ATM: variants seen among roughly 807,000 people sequenced by gnomAD.
ATM encodes the protein ATM serine/threonine kinase, also known as serine-protein kinase ATM.
Under a neutral mutation model 387.0 loss-of-function variants are expected in ATM, and 308 were observed. That is an observed-to-expected ratio of 0.80 (90% CI 0.73 to 0.87). The LOEUF is 0.87. Among genes scored for constraint, ATM ranks in the 40% least tolerant of loss-of-function variants. The pLI, the probability that ATM is intolerant of heterozygous loss-of-function variation, is 0.00. For missense variants in ATM, 3,312 were observed against 3,560.9 expected (o/e 0.93, Z 1.78); for synonymous variants, 1,156 against 1,187.3 (o/e 0.97, Z 0.54).
intron 13 of ATM, among the ~76,000 whole-genome samples, chr11:108,254,398 A>G (rs946013219): frequency 6.6e-6 from 1 of 152,240 alleles, no homozygotes; most frequent in Non-Finnish European, 1.5e-5. Flanking sequence ...AAACAAATCT[A>G]ATAGATTTTG....
intron 5 of ATM, 102 bp downstream of exon 5, chr11:108,235,936 G>T: frequency 7.5e-7 from 1 of 1,335,680 alleles, no homozygotes; most frequent in Non-Finnish European, 1.1e-6. Context: ...CAAGTGACCT[G>T]ACAGTTTAAC....
intron 4 of ATM, chr11:108,230,037 G>A (rs905868805): frequency 3.9e-5 from 6 of 152,092 alleles, no homozygotes; most frequent in South Asian, 2.1e-4. Context: ...CCCTCTCTAC[G>A]TCCCTAGCCT....
intron 38 of ATM, among the ~76,000 whole-genome samples, chr11:108,309,368 G>A (rs1479436886): frequency 1.3e-5 from 2 of 152,152 alleles, no homozygotes; most frequent in African/African-American, 4.8e-5. Context: ...CTGTGTAGTA[G>A]GGTGTGCCTT....
chr11:108,332,949 CTG>C (rs1459408933), intron 53 of ATM, 49 bp downstream of exon 53: 12 of 1,581,246 alleles, frequency 7.6e-6, no homozygotes, highest in Non-Finnish European at 1.0e-5. Flanking sequence ...GTGTTACTCT[CTG>C]TAGAGATATA....
chr11:108,243,497 C>T (rs1049706770), intron 5 of ATM, among the ~76,000 whole-genome samples: 12 of 152,224 alleles, frequency 7.9e-5, no homozygotes, highest in African/African-American at 2.9e-4. Context: ...CCTGTGGTCC[C>T]AGCTACTTGG....
At chr11:108,261,285 C>A (rs1477422885) in intron 16 of ATM, among the ~76,000 whole-genome samples, 1 of 152,210 alleles carries the variant, frequency 6.6e-6, no homozygotes, top group African/African-American at 2.4e-5. Flanking sequence ...AGCTGGAGAT[C>A]TGAGAACGGG....
chr11:108,266,641 A>T (rs1010701207), intron 16 of ATM, among the ~76,000 whole-genome samples: 2 of 152,164 alleles, frequency 1.3e-5, no homozygotes, highest in Non-Finnish European at 1.5e-5. Flanking sequence ...GTAATAAAAA[A>T]AATAATAATT....
rs1222514012 is a variant in ATM, at chr11:108,368,730, C to T, written c.*3222C>T. 1.9e-5 allele frequency: 4 copies of T among 214,086 alleles called. No homozygotes were observed. The highest frequency in any genetic ancestry group is 9.0e-5 in the African/African-American group (4 of 44,316). The allele number at this position is 214,086 out of a possible 1,614,324, so 13.3% of individuals were successfully genotyped here. A position where few individuals can be genotyped will look rare whatever the true frequency, so the allele number is the denominator to read the frequency against. Reference sequence around the variant, plus strand: ...GTGTCCAGATTAAGGGAGATAATAGCTTTCCCACCCTACTTTGTGCAGGTC... The same window carrying T: ...GTGTCCAGATTAAGGGAGATAATAGTTTTCCCACCCTACTTTGTGCAGGTC... On this transcript the variant is annotated 3_prime_UTR_variant, in exon 63 of 63. Coordinates refer to ENST00000675843, the MANE Select transcript of ATM (RefSeq NM_000051.4).
chr11:108,322,328 A>G (rs1016789538), intron 45 of ATM, among the ~76,000 whole-genome samples: 1 of 151,742 alleles, frequency 6.6e-6, no homozygotes, highest in African/African-American at 2.4e-5. Context: ...TAATTTTTCT[A>G]CTTTTAATAG....
intron 29 of ATM, among the ~76,000 whole-genome samples, chr11:108,291,005 G>T (rs1257744941): frequency 6.6e-6 from 1 of 152,050 alleles, no homozygotes; most frequent in East Asian, 1.9e-4. Context: ...GGAGGCTGAG[G>T]CGGGTGGATC....
In ATM at chr11:108,257,556, T is replaced by C. The variant is rs762937809; in HGVS notation, c.2326T>C (p.Leu776=). 6.2e-7 allele frequency: 1 copy of C among 1,614,100 alleles called. No individual in the cohort carries two copies. The highest frequency in any genetic ancestry group is 8.5e-7 in the Non-Finnish European group (1 of 1,180,030). The stretch of plus-strand genomic sequence containing the variant: ...AAATGAGGAATTCAGAATTGGTTCC[T>C]TGAGAAATATGATGCAGCTATGTAC... ...KTNEEFRIGS[L]RNMMQLCTRC... is the part of the protein sequence containing the mutation. The change falls in exon 15 of 63, where the codon TTG becomes CTG. Residue 776 remains leucine (L), a synonymous_variant. Coordinates refer to ENST00000675843, the MANE Select transcript of ATM (RefSeq NM_000051.4).
At chr11:108,248,008 A>G (rs1318219876) in intron 8 of ATM, among the ~76,000 whole-genome samples, 2 of 152,070 alleles carry the variant, frequency 1.3e-5, no homozygotes, top group Non-Finnish European at 2.9e-5. Flanking sequence ...GTTTTTGTGG[A>G]TTTTCCTGTT....
At chr11:108,233,912 A>C (rs577310595) in intron 4 of ATM, among the ~76,000 whole-genome samples, 1 of 152,320 alleles carries the variant, frequency 6.6e-6, no homozygotes, top group East Asian at 1.9e-4. Flanking sequence ...TATTTGGTAG[A>C]GGAGGGAGAT....
chr11:108,251,041 T>G lies in ATM; in HGVS notation c.1576T>G (p.Leu526Val). The G allele has an allele frequency of 6.2e-7, 1 of 1,614,160 alleles. No individual in the cohort carries two copies. Among genetic ancestry groups the G allele is most frequent in the South Asian group, 1.1e-5 (1 of 91,090 alleles). Residue 526 changes from leucine to valine, a missense_variant, in exon 10 of 63, where the codon TTA (leucine) becomes GTA (valine). By Grantham distance (32) the Leu-to-Val change is conservative. Around this residue, in one of 4 missense-constraint regions of ATM, gnomAD observed 1,791 missense variants for 1,804.5 expected, o/e 0.99. Coordinates refer to ENST00000675843, the MANE Select transcript of ATM (RefSeq NM_000051.4). ...LVEVDREFWK[L>V]FTGSACRPSC... ...TGAGGTTGACAGAGAATTCTGGAAG[T>G]TATTTACTGGGTCAGCCTGCAGACC...
chr11:108,331,467 A>G lies in ATM; in HGVS notation c.7539A>G (p.Thr2513=), dbSNP rs752294923. The change falls in exon 51 of 63, where the codon ACA becomes ACG. Residue 2513 remains threonine (T), a synonymous_variant. Coordinates refer to ENST00000675843, the MANE Select transcript of ATM (RefSeq NM_000051.4). ...MMKRDGMKIP[T]YKFLPLMYQL... is the part of the protein sequence containing the mutation. The stretch of plus-strand genomic sequence containing the variant: ...AGAGAGACGGAATGAAGATTCCAAC[A>G]TATAAATTTTTGCCTCTTATGTACC... 3 of 1,613,514 alleles carry G rather than the reference A, an allele frequency of 1.9e-6. No homozygotes were observed. Among genetic ancestry groups the G allele is most frequent in the Non-Finnish European group, 2.5e-6 (3 of 1,179,738 alleles).
At position 108,268,618 on chromosome 11, in the gene ATM, C is replaced by G. The variant is rs370160823; in HGVS notation, c.2838+9C>G. The G allele has an allele frequency of 5.1e-5, 83 of 1,612,672 alleles. No homozygotes were observed. Among genetic ancestry groups the G allele is most frequent in the Non-Finnish European group, 7.0e-5 (83 of 1,179,214 alleles). On this transcript the variant is annotated intron_variant, in intron 18 of 62. Coordinates refer to ENST00000675843, the MANE Select transcript of ATM (RefSeq NM_000051.4). The stretch of plus-strand genomic sequence containing the variant: ...CCCTCCACCTGCATATGGTGAGTTA[C>G]GTTAAATGAAGAAGCTCTTGGATTT...
Position 108,307,956 on chromosome 11 carries a change from G to A in ATM, c.5734G>A (p.Val1912Ile), listed in dbSNP as rs1064794105. The change falls in exon 38 of 63, where the codon GTT becomes ATT. Residue 1912 changes from valine (V) to isoleucine (I), a missense_variant. Val to Ile is a conservative substitution (Grantham distance 29, BLOSUM62 3). This residue lies in a region of ATM where 1,405 missense variants were observed against 1,604.4 expected (regional missense o/e 0.88). Coordinates refer to ENST00000675843, the MANE Select transcript of ATM (RefSeq NM_000051.4). ...AAAATCACAAAGAACAATGCTTGCT[G>A]TTGTGGACTACATGAGAAGACAAAA... ...DKKSQRTMLA[V>I]VDYMRRQKRP... The A allele has an allele frequency of 3.1e-6, 5 of 1,613,756 alleles. No homozygotes were observed. Among genetic ancestry groups the A allele is most frequent in the Middle Eastern group, 1.7e-4 (1 of 6,058 alleles).
rs1009383081 is a variant in ATM at position 108,279,536 on chromosome 11, A to C, written c.3330A>C (p.Ala1110=). 2 of 1,613,820 alleles carry C rather than the reference A, an allele frequency of 1.2e-6. No individual in the cohort carries two copies. The highest frequency in any genetic ancestry group is 4.5e-5 in the East Asian group (2 of 44,824). Residue 1110 remains alanine, a synonymous_variant, in exon 23 of 63, where the codon GCA becomes GCC. Transcript: ENST00000675843. ...TKGDSSRLLK[A]LPLKLQQTAF... is the part of the protein sequence containing the mutation. ...GAGATTCTTCCAGGTTACTGAAAGC[A>C]CTTCCTTTGAAGCTTCAGCAAACAG... is the stretch of plus-strand genomic sequence containing the variant.
Position 108,358,171 on chromosome 11 carries a change from G to A in ATM, c.8850+3297G>A, listed in dbSNP as rs1215465217. ...ATGCAGAAGCCTCAGGAGCCGATGC[G>A]ATCAACTGGAAGAAAGGGTATCAGC... On this transcript the variant is annotated intron_variant, in intron 61 of 62. Coordinates refer to ENST00000675843, the MANE Select transcript of ATM (RefSeq NM_000051.4). 2.7e-4 allele frequency among the ~76,000 whole-genome samples: 41 copies of A among 151,748 alleles called. No individual in the cohort carries two copies. The East Asian group carries it at 2.7e-3, about 10-fold the overall frequency.
Sources: gnomAD v4.1 joint callset for allele counts (sites outside exome capture counted in the v4.1 genomes callset) on GRCh38, gnomAD v4.1.1 for gene constraint, gnomAD v4.1.1 regional missense constraint, MANE v1.5 for transcripts, NCBI Gene and HGNC (gene_info 2026-07-23, HGNC 2026-07-21) for gene names.